Variants in RBM47 observed in about 807,000 individuals in gnomAD.
The protein encoded by RBM47 is RNA binding motif protein 47, also known as RNA-binding protein 47.
Under a neutral mutation model 47.1 loss-of-function variants are expected in RBM47, and 21 were observed. The ratio of observed to expected loss-of-function variants is 0.45; its 90% CI spans 0.32 to 0.64. The LOEUF (loss-of-function observed/expected upper bound fraction) is 0.64. Ranked by LOEUF, RBM47 falls within the 30% of genes least tolerant of loss-of-function variation. RBM47 has a pLI of 0.05. For synonymous variants in RBM47, 375 were observed against 361.7 expected (o/e 1.04, Z -0.42); for missense variants, 708 against 870.9 (o/e 0.81, Z 2.35).
At chr4:40,548,307 A>G (rs1363168281) in intron 1 of RBM47, among the ~76,000 whole-genome samples, 8 of 152,232 alleles carry the variant, frequency 5.3e-5, no homozygotes, top group Admixed American at 5.2e-4. Flanking sequence ...GGAGAACGAC[A>G]ATGAGCTGAG....
At chr4:40,625,802 G>A (rs1257117369) in intron 1 of RBM47, among the ~76,000 whole-genome samples, 1 of 152,124 alleles carries the variant, frequency 6.6e-6, no homozygotes, top group Non-Finnish European at 1.5e-5. Flanking sequence ...GATTAATGTG[G>A]CTGAGTGTAA....
intron 1 of RBM47, among the ~76,000 whole-genome samples, chr4:40,611,463 C>T (rs1401888167): frequency 6.6e-6 from 1 of 152,060 alleles, no homozygotes; most frequent in East Asian, 1.9e-4. Flanking sequence ...CACGGTGGCT[C>T]ACGCCTGTAA....
intron 1 of RBM47, among the ~76,000 whole-genome samples, chr4:40,595,106 T>C (rs1458648587): frequency 6.6e-6 from 1 of 152,200 alleles, no homozygotes; most frequent in Non-Finnish European, 1.5e-5. Flanking sequence ...TGCTTAACAC[T>C]ATGCATTCTT....
intron 1 of RBM47, among the ~76,000 whole-genome samples, chr4:40,610,751 G>T (rs1736194383): frequency 6.6e-6 from 1 of 152,140 alleles, no homozygotes. Context: ...ACCCAGGGGG[G>T]AGGTAATTGA....
Position 40,432,669 on chromosome 4 carries a change from C to T in RBM47, c.1524G>A (p.Ser508=), listed in dbSNP as rs759333854. The T allele has an allele frequency of 1.7e-5, 28 of 1,610,298 alleles. 1 individual carries two copies. The highest frequency in any genetic ancestry group is 9.4e-5 in the African/African-American group (7 of 74,690). The change falls in exon 6 of 7, where the codon TCG becomes TCA. Residue 508 remains serine (S), a synonymous_variant. Coordinates refer to ENST00000295971, the MANE Select transcript of RBM47 (RefSeq NM_001098634.2). ...AAAAAVIPTV[S]TPPPFQGRPI... ...ACTCTACCTGGAAAGGTGGTGGCGT[C>T]GACACAGTGGGAATGACAGCGGCTG...
intron 2 of RBM47, among the ~76,000 whole-genome samples, chr4:40,467,443 C>T (rs898362647): frequency 1.3e-5 from 2 of 152,094 alleles, no homozygotes; most frequent in African/African-American, 2.4e-5. Context: ...GTGCCCACCA[C>T]CACGCCTGGC....
intron 2 of RBM47, among the ~76,000 whole-genome samples, chr4:40,477,283 G>T (rs1484916126): frequency 6.6e-6 from 1 of 152,140 alleles, no homozygotes; most frequent in African/African-American, 2.4e-5. Flanking sequence ...ATTACTCCTA[G>T]ATAGAATAAT....
intron 3 of RBM47, among the ~76,000 whole-genome samples, chr4:40,460,691 C>T (rs535324348): frequency 6.6e-6 from 1 of 152,048 alleles, no homozygotes; most frequent in East Asian, 1.9e-4. Flanking sequence ...AGTCCAGGAC[C>T]AGCCTGGCCC....
rs117099883 is a variant in RBM47, at chr4:40,536,075, G to A, written c.-155+8347C>T. On this transcript the variant is annotated intron_variant, in intron 2 of 6. Transcript: ENST00000295971. ...TTGTATTTTGCTGACCTTGTTCTTA[G>A]TTTCAAATAACTCATTTATTTTGCA... Among the ~76,000 whole-genome samples, 21 of 152,294 alleles carry A rather than the reference G, an allele frequency of 1.4e-4. No individual in the cohort carries two copies. The East Asian group carries it at 3.9e-3, about 28-fold the overall frequency.
chr4:40,561,544 CTTTT>C (rs796381156), intron 1 of RBM47, among the ~76,000 whole-genome samples: 3 of 124,560 alleles, frequency 2.4e-5, no homozygotes, highest in Non-Finnish European at 3.3e-5. Flanking sequence ...TTCTTCTTTT[CTTTT>C]TTTTTTCTTT....
At chr4:40,489,993 A>G (rs1437927099) in intron 2 of RBM47, among the ~76,000 whole-genome samples, 1 of 152,274 alleles carries the variant, frequency 6.6e-6, no homozygotes, top group Non-Finnish European at 1.5e-5. Flanking sequence ...ATGAAAATCA[A>G]TCAGTGCAAT....
intron 3 of RBM47, among the ~76,000 whole-genome samples, chr4:40,440,048 C>T (rs575707454): frequency 1.6e-4 from 24 of 152,244 alleles, no homozygotes; most frequent in African/African-American, 5.8e-4. Flanking sequence ...TGGCCAAGGG[C>T]TCTGTGGAAG....
At chr4:40,548,238 A>G (rs184161791) in intron 1 of RBM47, among the ~76,000 whole-genome samples, 95 of 152,332 alleles carry the variant, frequency 6.2e-4, no homozygotes, top group African/African-American at 2.3e-3. Flanking sequence ...ACAAGAGGGC[A>G]TTTTCCAGAC....
intron 2 of RBM47, chr4:40,514,387 G>C (rs541557327): frequency 1.3e-5 from 2 of 152,306 alleles, no homozygotes; most frequent in South Asian, 4.1e-4. Context: ...CTAAAAAATA[G>C]AGTTTGCAAA....
intron 2 of RBM47, among the ~76,000 whole-genome samples, chr4:40,526,438 C>A (rs1560445682): frequency 2.6e-5 from 4 of 152,100 alleles, no homozygotes; most frequent in African/African-American, 9.7e-5. Context: ...TGGGTCTGTA[C>A]AAGAAAGTCA....
At chr4:40,469,054 G>A (rs1045819633) in intron 2 of RBM47, among the ~76,000 whole-genome samples, 4 of 152,204 alleles carry the variant, frequency 2.6e-5, no homozygotes, top group African/African-American at 9.6e-5. Flanking sequence ...CCATAAAGCA[G>A]AAATCATTCC....
intron 2 of RBM47, among the ~76,000 whole-genome samples, chr4:40,497,041 CAAA>C (rs10631036): frequency 2.6e-5 from 3 of 114,840 alleles, no homozygotes; most frequent in Admixed American, 9.9e-5. Flanking sequence ...AACTCCATCT[CAAA>C]AAAAAAAAAA....
At chr4:40,529,931 C>CTTT (rs1184871315) in intron 2 of RBM47, among the ~76,000 whole-genome samples, 12 of 124,486 alleles carry the variant, frequency 9.6e-5, no homozygotes, top group African/African-American at 1.7e-4. Context: ...ATTAGACCCC[C>CTTT]TTTTTTTTTT....
At chr4:40,592,613 G>A (rs923591863) in intron 1 of RBM47, among the ~76,000 whole-genome samples, 4 of 151,162 alleles carry the variant, frequency 2.6e-5, no homozygotes, top group African/African-American at 7.3e-5. Flanking sequence ...TAGTAGAGAC[G>A]GGGTTTCTCT....
Sources: allele counts gnomAD v4.1 joint callset (sites outside exome capture counted in the v4.1 genomes callset), GRCh38; gene constraint gnomAD v4.1.1; transcripts MANE v1.5; gene names NCBI Gene and HGNC (gene_info 2026-07-23, HGNC 2026-07-21).